PTPRT: variants seen among roughly 807,000 people sequenced by gnomAD.
PTPRT encodes protein tyrosine phosphatase receptor type T.
A neutral mutation model predicts 176.8 loss-of-function variants in PTPRT; 56 were observed. The ratio of observed to expected loss-of-function variants is 0.32; its 90% CI spans 0.26 to 0.40. The LOEUF (loss-of-function observed/expected upper bound fraction) is 0.40, where lower values mean the gene tolerates loss of function less well. Among genes scored for constraint, PTPRT ranks in the 10% least tolerant of loss-of-function variants. PTPRT has a pLI of 1.00. For synonymous variants in PTPRT, 783 were observed against 739.0 expected (o/e 1.06, Z -0.96); for missense variants, 1,540 against 1,908.2 (o/e 0.81, Z 3.60).
intron 6 of PTPRT, among the ~76,000 whole-genome samples, chr20:42,724,228 G>A (rs1370341712): frequency 1.3e-5 from 2 of 152,154 alleles, no homozygotes; most frequent in South Asian, 2.1e-4. Flanking sequence ...ATCTTATGAA[G>A]AAATATTACA....
At chr20:42,758,485 G>A (rs2076868965) in intron 5 of PTPRT, among the ~76,000 whole-genome samples, 1 of 152,162 alleles carries the variant, frequency 6.6e-6, no homozygotes, top group African/African-American at 2.4e-5. Flanking sequence ...AGAGAGACTT[G>A]CTCCAGGCTA....
intron 16 of PTPRT, among the ~76,000 whole-genome samples, chr20:42,190,828 T>G (rs1197984137): frequency 3.9e-5 from 6 of 152,182 alleles, no homozygotes; most frequent in Admixed American, 6.5e-5. Context: ...GAAGGCAGCA[T>G]GGAGGAGTAG....
chr20:42,248,199 C>T (rs930878423), intron 14 of PTPRT, among the ~76,000 whole-genome samples: 4 of 152,118 alleles, frequency 2.6e-5, no homozygotes, highest in African/African-American at 9.7e-5. Context: ...AACTCTCACA[C>T]CACTGTAGAC....
intron 9 of PTPRT, among the ~76,000 whole-genome samples, chr20:42,445,837 A>G (rs1028662750): frequency 1.8e-4 from 28 of 152,156 alleles, no homozygotes; most frequent in African/African-American, 6.5e-4. Context: ...GAGAAGGACA[A>G]CCTGCTCTAA....
At chr20:42,928,890 AG>A (rs1485794248) in intron 1 of PTPRT, among the ~76,000 whole-genome samples, 1 of 152,232 alleles carries the variant, frequency 6.6e-6, no homozygotes, top group Non-Finnish European at 1.5e-5. Context: ...TGACCCTGTC[AG>A]TCCCATCTTT....
At chr20:42,787,755 A>T (rs1021326455) in intron 3 of PTPRT, among the ~76,000 whole-genome samples, 1 of 152,226 alleles carries the variant, frequency 6.6e-6, no homozygotes, top group African/African-American at 2.4e-5. Context: ...TATTATAAAA[A>T]GTAATTTGGT....
chr20:42,713,261 T>C (rs2076172972), intron 6 of PTPRT, among the ~76,000 whole-genome samples: 1 of 152,106 alleles, frequency 6.6e-6, no homozygotes, highest in South Asian at 2.1e-4. Context: ...TCAGTGTACC[T>C]TTTTCTTTCT....
intron 6 of PTPRT, among the ~76,000 whole-genome samples, chr20:42,711,155 T>C (rs1421691852): frequency 6.6e-6 from 1 of 152,238 alleles, no homozygotes; most frequent in Non-Finnish European, 1.5e-5. Flanking sequence ...CAGATAAGAC[T>C]ATGAACTTTT....
At chr20:42,255,166 T>C (rs2056616749) in intron 13 of PTPRT, among the ~76,000 whole-genome samples, 1 of 152,204 alleles carries the variant, frequency 6.6e-6, no homozygotes, top group South Asian at 2.1e-4. Context: ...ATGAGTCTAG[T>C]CAAAAGCATT....
At chr20:42,820,146 T>TA (rs3092202) in intron 2 of PTPRT, among the ~76,000 whole-genome samples, 29,701 of 152,030 alleles carry the variant, frequency 0.2, 3,469 homozygotes, top group African/African-American at 0.32. Flanking sequence ...GCACTTATGC[T>TA]AAATCAACCA....
In PTPRT at chr20:42,195,862, C is replaced by A. The variant is rs192866098; in HGVS notation, c.2491+3378G>T. 3.9e-3 allele frequency among the ~76,000 whole-genome samples: 587 copies of A among 152,270 alleles called. 4 individuals are homozygous for A. Among genetic ancestry groups the A allele is most frequent in the African/African-American group, 0.013 (548 of 41,550 alleles). ...CCTTAATCATTTGAAAAGTTTGTCC[C>A]TGGCCTTTAAAACATCTAATTAGAT... On this transcript the variant is annotated intron_variant, in intron 16 of 30. Transcript: ENST00000373187.
intron 1 of PTPRT, among the ~76,000 whole-genome samples, chr20:42,898,257 G>T (rs1487955893): frequency 6.6e-6 from 1 of 152,160 alleles, no homozygotes; most frequent in Non-Finnish European, 1.5e-5. Context: ...CACCCAGGCT[G>T]GAGTGCAGTG....
intron 2 of PTPRT, among the ~76,000 whole-genome samples, chr20:42,877,352 CA>C (rs2078950254): frequency 2.0e-5 from 3 of 152,160 alleles, no homozygotes; most frequent in Admixed American, 2.0e-4. Flanking sequence ...CAGCCACACC[CA>C]GGCTGCCAGG....
At chr20:43,001,046 G>A (rs1600637966) in intron 1 of PTPRT, among the ~76,000 whole-genome samples, 1 of 152,046 alleles carries the variant, frequency 6.6e-6, no homozygotes, top group African/African-American at 2.4e-5. Flanking sequence ...TGAGGAAGAA[G>A]GTATTATTCT....
At chr20:42,767,947 A>G (rs1047823588) in intron 5 of PTPRT, among the ~76,000 whole-genome samples, 1 of 144,522 alleles carries the variant, frequency 6.9e-6, no homozygotes, top group Non-Finnish European at 1.5e-5. Flanking sequence ...ATAACATACT[A>G]TATATTATAT....
intron 1 of PTPRT, among the ~76,000 whole-genome samples, chr20:42,940,100 C>T (rs1210021561): frequency 6.6e-6 from 1 of 152,104 alleles, no homozygotes; most frequent in African/African-American, 2.4e-5. Flanking sequence ...GGAGATAGTC[C>T]TTATTACTTT....
chr20:42,544,116 G>A (rs2072631133), intron 7 of PTPRT, among the ~76,000 whole-genome samples: 1 of 152,176 alleles, frequency 6.6e-6, no homozygotes, highest in African/African-American at 2.4e-5. Context: ...TAGAGAGCAA[G>A]TCTGTCCATT....
intron 13 of PTPRT, among the ~76,000 whole-genome samples, chr20:42,276,498 T>TATAC (rs2057033105): frequency 1.6e-3 from 3 of 1,850 alleles, no homozygotes; most frequent in African/African-American, 0.012. Context: ...AAGAAGGAAA[T>TATAC]ATATATATAT....
At chr20:42,592,605 C>G (rs1392896411) in intron 7 of PTPRT, among the ~76,000 whole-genome samples, 1 of 152,140 alleles carries the variant, frequency 6.6e-6, no homozygotes, top group Non-Finnish European at 1.5e-5. Flanking sequence ...TTTTTCAGAA[C>G]AAGGTAGAGA....
Sources: allele counts gnomAD v4.1 joint callset (sites outside exome capture counted in the v4.1 genomes callset), GRCh38; gene constraint gnomAD v4.1.1; transcripts MANE v1.5; gene names NCBI Gene and HGNC (gene_info 2026-07-23, HGNC 2026-07-21).